Variants in SPIDR observed in about 807,000 individuals in gnomAD.
The protein encoded by SPIDR is scaffold protein involved in DNA repair.
SPIDR carries 93 observed loss-of-function variants against 104.6 expected under a neutral mutation model. The ratio of observed to expected loss-of-function variants is 0.89; its 90% CI spans 0.75 to 1.06. The LOEUF (loss-of-function observed/expected upper bound fraction) is 1.06. SPIDR is among the 50% of genes least tolerant of loss of function. The pLI is 0.00. For synonymous variants in SPIDR, 431 were observed against 416.9 expected (o/e 1.03, Z -0.41); for missense variants, 1,154 against 1,111.2 (o/e 1.04, Z -0.55).
At chr8:47,374,026 G>A (rs1413292472) in intron 5 of SPIDR, among the ~76,000 whole-genome samples, 1 of 152,122 alleles carries the variant, frequency 6.6e-6, no homozygotes, top group Non-Finnish European at 1.5e-5. Context: ...TTTTAGGTTC[G>A]TTTGTTTTAT....
At chr8:47,570,802 A>C (rs2058424575) in intron 8 of SPIDR, among the ~76,000 whole-genome samples, 1 of 152,158 alleles carries the variant, frequency 6.6e-6, no homozygotes, top group African/African-American at 2.4e-5. Flanking sequence ...GATTAAGATG[A>C]AAGGTTTTAG....
chr8:47,566,925 GTGGTTC>G (rs2057925258), intron 8 of SPIDR, among the ~76,000 whole-genome samples: 1 of 152,198 alleles, frequency 6.6e-6, no homozygotes, highest in East Asian at 1.9e-4. Context: ...GAATTAATGT[GTGGTTC>G]TGGGAAGCAA....
chr8:47,622,424 C>T (rs2065297977), intron 10 of SPIDR, among the ~76,000 whole-genome samples: 1 of 152,120 alleles, frequency 6.6e-6, no homozygotes, highest in South Asian at 2.1e-4. Flanking sequence ...CATAGTCCTC[C>T]AAGGGCTGAT....
intron 19 of SPIDR, 70 bp from the exon 20 acceptor site, chr8:47,735,235 GGT>G (rs1350135805): frequency 5.4e-5 from 80 of 1,484,702 alleles, no homozygotes; most frequent in Non-Finnish European, 7.4e-5. Flanking sequence ...CTGGCTCTCT[GGT>G]TTTCCGTGTT....
At chr8:47,546,978 A>G (rs1587538725) in intron 8 of SPIDR, 2 of 504,202 alleles carry the variant, frequency 4.0e-6, no homozygotes, top group South Asian at 3.2e-5. Flanking sequence ...AACCACATCA[A>G]AAGATCAAGG....
At chr8:47,671,035 G>C (rs1785246840) in intron 10 of SPIDR, among the ~76,000 whole-genome samples, 1 of 151,990 alleles carries the variant, frequency 6.6e-6, no homozygotes, top group Non-Finnish European at 1.5e-5. Flanking sequence ...TCAGCCTTCT[G>C]AGTAGCTGAG....
At chr8:47,698,382 G>A (rs1257524824) in intron 11 of SPIDR, among the ~76,000 whole-genome samples, 2 of 152,156 alleles carry the variant, frequency 1.3e-5, no homozygotes, top group Non-Finnish European at 1.5e-5. Context: ...CAGCAGAGGC[G>A]GGAGTCATTT....
chr8:47,685,008 C>G (rs1232700256), intron 11 of SPIDR, among the ~76,000 whole-genome samples: 1 of 152,188 alleles, frequency 6.6e-6, no homozygotes, highest in Admixed American at 6.5e-5. Flanking sequence ...CACCTGAGGT[C>G]AGAGGTTCGA....
At chr8:47,620,855 C>A (rs749923095) in intron 10 of SPIDR, among the ~76,000 whole-genome samples, 3 of 143,546 alleles carry the variant, frequency 2.1e-5, no homozygotes, top group African/African-American at 7.7e-5. Flanking sequence ...TGACCCCAGG[C>A]GATCCACCCA....
intron 5 of SPIDR, among the ~76,000 whole-genome samples, chr8:47,295,314 T>C (rs1165861009): frequency 6.6e-6 from 1 of 152,246 alleles, no homozygotes; most frequent in African/African-American, 2.4e-5. Flanking sequence ...TTTTCTGCTT[T>C]TTTGCATGCC....
intron 8 of SPIDR, among the ~76,000 whole-genome samples, chr8:47,525,773 CAAAAA>C (rs748970837): frequency 9.2e-6 from 1 of 109,030 alleles, no homozygotes. Context: ...GACCCTGCCT[CAAAAA>C]AAAAAAAAAA....
In SPIDR at chr8:47,279,847, A is replaced by G; in HGVS notation, c.34-15A>G. Reference sequence around the variant, plus strand: ...TTTTTTGTTTCGATTTTTCTTTTAAAAATCATCTCCACAGAGAAAAAGGAG... The same window carrying G: ...TTTTTTGTTTCGATTTTTCTTTTAAGAATCATCTCCACAGAGAAAAAGGAG... On this transcript the variant is annotated splice_polypyrimidine_tract_variant and intron_variant, in intron 1 of 19. Transcript: ENST00000297423. The G allele has an allele frequency of 6.3e-7, 1 of 1,576,566 alleles. No homozygotes were observed.
chr8:47,379,742 T>C (rs1563791177), intron 5 of SPIDR, among the ~76,000 whole-genome samples: 1 of 152,152 alleles, frequency 6.6e-6, no homozygotes, highest in Non-Finnish European at 1.5e-5. Flanking sequence ...TGTTTAACTT[T>C]ATTCACCTGA....
chr8:47,349,855 AT>A (rs2053085463), intron 5 of SPIDR, among the ~76,000 whole-genome samples: 1 of 152,118 alleles, frequency 6.6e-6, no homozygotes, highest in Non-Finnish European at 1.5e-5. Context: ...GAGTGTCCCG[AT>A]TTTCCAGGGA....
At chr8:47,725,694 G>C (rs933239057) in intron 16 of SPIDR, among the ~76,000 whole-genome samples, 4 of 152,150 alleles carry the variant, frequency 2.6e-5, no homozygotes, top group African/African-American at 9.7e-5. Context: ...CCAACCTTAA[G>C]TGAATGTTTA....
chr8:47,552,095 T>G lies in SPIDR; in HGVS notation c.1098-43716T>G, dbSNP rs188022440. On this transcript the variant is annotated intron_variant, in intron 8 of 19. Transcript: ENST00000297423. Reference sequence around the variant, plus strand: ...GTAGAGTGGTTTTGAGTGAGTTTCTTAATCCTGAGTTCTAGTTTGATTGCA... The same window carrying G: ...GTAGAGTGGTTTTGAGTGAGTTTCTGAATCCTGAGTTCTAGTTTGATTGCA... Among the ~76,000 whole-genome samples, 6 of 152,358 alleles carry G rather than the reference T, an allele frequency of 3.9e-5. No individual in the cohort carries two copies. In the East Asian group the frequency reaches 1.2e-3, roughly 29 times the overall value.
At chr8:47,406,674 A>G (rs1340030865) in intron 6 of SPIDR, among the ~76,000 whole-genome samples, 6 of 152,224 alleles carry the variant, frequency 3.9e-5, no homozygotes, top group Admixed American at 2.6e-4. Context: ...AGATCTGTAT[A>G]TAGGCTGCAA....
Position 47,462,663 on chromosome 8 carries a change from A to G in SPIDR, c.1097+22121A>G, listed in dbSNP as rs567977164. 3.9e-5 allele frequency among the ~76,000 whole-genome samples: 6 copies of G among 152,356 alleles called. No homozygotes were observed. In the East Asian group the frequency reaches 9.6e-4, roughly 24 times the overall value. ...ATAACCTATCTGTACATGTTAAGGT[A>G]CTAGAAAAAAAGAAGAGCAAACTAA... is the stretch of plus-strand genomic sequence containing the variant. On this transcript the variant is annotated intron_variant, in intron 8 of 19. Transcript: ENST00000297423.
intron 8 of SPIDR, among the ~76,000 whole-genome samples, chr8:47,464,557 T>G (rs2074456845): frequency 6.6e-6 from 1 of 152,054 alleles, no homozygotes; most frequent in Non-Finnish European, 1.5e-5. Context: ...TAGCCCCTGG[T>G]GACTCTGGGG....
Sources: allele counts gnomAD v4.1 joint callset (sites outside exome capture counted in the v4.1 genomes callset), GRCh38; gene constraint gnomAD v4.1.1; transcripts MANE v1.5; gene names NCBI Gene and HGNC (gene_info 2026-07-23, HGNC 2026-07-21).